Variants in CREB3L2 observed in about 807,000 individuals in gnomAD.
CREB3L2 encodes the protein cyclic AMP-responsive element-binding protein 3-like protein 2.
A neutral mutation model predicts 57.2 loss-of-function variants in CREB3L2; 23 were observed. The observed-to-expected ratio is 0.40, with a 90% CI of 0.29 to 0.57. The LOEUF is 0.57. Among genes scored for constraint, CREB3L2 ranks in the 20% least tolerant of loss-of-function variants. The pLI is 0.42. For missense variants in CREB3L2, 628 were observed against 634.7 expected, an observed-to-expected ratio of 0.99 and a Z score of 0.11; for synonymous variants, 268 against 265.1, an observed-to-expected ratio of 1.01 and a Z score of -0.11.
At chr7:137,991,907 CAAA>C (rs5887864) in intron 1 of CREB3L2, among the ~76,000 whole-genome samples, 6 of 136,630 alleles carry the variant, frequency 4.4e-5, no homozygotes, top group Admixed American at 2.2e-4. Flanking sequence ...GACTCTGCCT[CAAA>C]AAAAAAAAAA....
chr7:137,971,577 G>A (rs1458069182), intron 1 of CREB3L2, among the ~76,000 whole-genome samples: 3 of 151,798 alleles, frequency 2.0e-5, no homozygotes, highest in Admixed American at 6.6e-5. Context: ...ACAAAACACC[G>A]GTCCTTACTC....
At chr7:137,913,142 A>G in intron 3 of CREB3L2, 64 bp from the exon 4 acceptor site, 1 of 1,520,148 alleles carries the variant, frequency 6.6e-7, no homozygotes, top group East Asian at 2.3e-5. Context: ...CACATGCAGG[A>G]GAGCTATTTG....
intron 1 of CREB3L2, among the ~76,000 whole-genome samples, chr7:137,946,747 T>A (rs1417690585): frequency 1.3e-5 from 1 of 79,628 alleles, no homozygotes; most frequent in Non-Finnish European, 2.3e-5. Flanking sequence ...ATATAGTTTT[T>A]TATAGTTATC....
rs186012421 is a variant in CREB3L2 at position 137,875,502 on chromosome 7, C to T, written c.*4974G>A. On this transcript the variant is annotated 3_prime_UTR_variant, in exon 12 of 12. Transcript: ENST00000330387. ...GTTTTCCTTTCCCCAGATGTAAAGC[C>T]TGCTAGCTGGAACTCACAGAAGATT... The T allele has an allele frequency of 3.1e-5, 7 of 223,968 alleles. No individual in the cohort carries two copies. The highest frequency in any genetic ancestry group is 1.6e-4 in the African/African-American group (7 of 44,944). The allele number at this position is 223,968 out of a possible 1,614,324, so 13.9% of individuals were successfully genotyped here. A position where few individuals can be genotyped will look rare whatever the true frequency, so the allele number is the denominator to read the frequency against.
chr7:137,993,956 T>A (rs1455796317), intron 1 of CREB3L2, among the ~76,000 whole-genome samples: 1 of 152,328 alleles, frequency 6.6e-6, no homozygotes, highest in South Asian at 2.1e-4. Flanking sequence ...ACCTATACAA[T>A]TTGATTCAAG....
At chr7:137,911,625 C>T (rs943456300) in intron 4 of CREB3L2, among the ~76,000 whole-genome samples, 4 of 152,144 alleles carry the variant, frequency 2.6e-5, no homozygotes, top group Admixed American at 6.5e-5. Flanking sequence ...ATCACTTGAG[C>T]TCAGGAGTTT....
chr7:137,907,698 T>TTTA (rs1459094133), intron 5 of CREB3L2, among the ~76,000 whole-genome samples: 1 of 152,202 alleles, frequency 6.6e-6, no homozygotes, highest in Non-Finnish European at 1.5e-5. Flanking sequence ...TCTATTCTTC[T>TTTA]TTATTATGGT....
intron 2 of CREB3L2, among the ~76,000 whole-genome samples, chr7:137,916,608 C>T (rs1179542539): frequency 6.6e-6 from 1 of 151,906 alleles, no homozygotes; most frequent in Non-Finnish European, 1.5e-5. Context: ...GTCCCAGCTA[C>T]TTGGGAGGCT....
In CREB3L2 at chr7:137,901,334, C is replaced by T. The variant is rs56200577; in HGVS notation, c.1043+20G>A. 0.022 allele frequency: 31,751 copies of T among 1,469,884 alleles called. 4,589 individuals are homozygous for T. In the African/African-American group the frequency reaches 0.35, roughly 16 times the overall value. 91.1% of individuals were successfully genotyped at this position (1,469,884 alleles called of 1,614,324 possible). On this transcript the variant is annotated intron_variant, in intron 8 of 11. Transcript: ENST00000330387. ...TCTTCCATTGGTAGCGCAATCAGCT[C>T]TCAGTCCAGTGACACTTACCTATTA... is the stretch of plus-strand genomic sequence containing the variant.
At chr7:137,988,089 C>G (rs566826723) in intron 1 of CREB3L2, among the ~76,000 whole-genome samples, 27 of 152,350 alleles carry the variant, frequency 1.8e-4, no homozygotes, top group African/African-American at 6.0e-4. Context: ...CAGAATTCTC[C>G]TTCCTCTGCA....
chr7:137,885,087 C>G lies in CREB3L2; in HGVS notation c.1178G>C (p.Ser393Thr), dbSNP rs1799384132. 6.2e-7 allele frequency: 1 copy of G among 1,614,024 alleles called. No individual in the cohort carries two copies. Among genetic ancestry groups the G allele is most frequent in the African/African-American group, 1.3e-5 (1 of 74,924 alleles). ...ATAGGGCCCGTAGCCTTGAAAGAAG[C>G]TGCCGAATGCAACGGCAAAGCACAG... ...VVLCFAVAFG[S>T]FFQGYGPYPS... Residue 393 changes from serine to threonine, a missense_variant, in exon 10 of 12, where the codon AGC becomes ACC. Physicochemically the swap from Ser to Thr is moderately conservative, Grantham distance 58. Around this residue, in one of 3 missense-constraint regions of CREB3L2, gnomAD observed 272 missense variants for 242.7 expected, o/e 1.12. Transcript: ENST00000330387.
At chr7:137,985,493 T>C (rs1022952599) in intron 1 of CREB3L2, among the ~76,000 whole-genome samples, 5 of 152,196 alleles carry the variant, frequency 3.3e-5, no homozygotes, top group African/African-American at 1.2e-4. Context: ...CTGCAGGCAG[T>C]AGCCCTACCA....
At chr7:137,979,874 C>T (rs1455241900) in intron 1 of CREB3L2, among the ~76,000 whole-genome samples, 2 of 152,204 alleles carry the variant, frequency 1.3e-5, no homozygotes, top group East Asian at 3.9e-4. Context: ...GGGAGCCTGA[C>T]TCAGATGTAG....
In CREB3L2 at chr7:138,001,823, T is replaced by G. The variant is rs917716982; in HGVS notation, c.-118A>C. On this transcript the variant is annotated 5_prime_UTR_variant, in exon 1 of 12. Coordinates refer to ENST00000330387, the MANE Select transcript of CREB3L2 (RefSeq NM_194071.4). The surrounding 1 kb of genome is among the most constrained non-coding windows in gnomAD (Gnocchi z 4.2). ...GTGCTTGCGTGTGTGCGCGCGCGTG[T>G]CTGTAGTTTTGCACTTGGAAAGCAA... The G allele has an allele frequency of 1.0e-5, 7 of 673,810 alleles. No homozygotes were observed. Among genetic ancestry groups the G allele is most frequent in the African/African-American group, 3.7e-5 (2 of 53,758 alleles). The allele number at this position is 673,810 out of a possible 1,614,324, so 41.7% of individuals were successfully genotyped here. A position where few individuals can be genotyped will look rare whatever the true frequency, so the allele number is the denominator to read the frequency against.
At chr7:137,927,373 A>C (rs1247471945) in intron 2 of CREB3L2, among the ~76,000 whole-genome samples, 2 of 141,680 alleles carry the variant, frequency 1.4e-5, no homozygotes, top group Non-Finnish European at 3.1e-5. Flanking sequence ...AAGAAAGAAA[A>C]GAGAGAAGGA....
chr7:137,987,787 G>A (rs562471767), intron 1 of CREB3L2, among the ~76,000 whole-genome samples: 13 of 152,302 alleles, frequency 8.5e-5, no homozygotes, highest in South Asian at 2.1e-4. Context: ...GGGCTCAGGC[G>A]ATCCTCCCAC....
At position 137,877,694 on chromosome 7, in the gene CREB3L2, C is replaced by G. The variant is rs938397576; in HGVS notation, c.*2782G>C. 4.4e-6 allele frequency: 1 copy of G among 226,742 alleles called. No individual in the cohort carries two copies. The highest frequency in any genetic ancestry group is 6.4e-5 in the East Asian group (1 of 15,680). 14.0% of individuals were successfully genotyped at this position (226,742 alleles called of 1,614,324 possible). A position where few individuals can be genotyped will look rare whatever the true frequency, so the allele number is the denominator to read the frequency against. ...TGGCTTATGGCCGCTCTGACAGACT[C>G]GTATTTCTCAAAACTTACATTCAGA... On this transcript the variant is annotated 3_prime_UTR_variant, in exon 12 of 12. Transcript: ENST00000330387.
At chr7:137,981,015 T>A (rs1465010053) in intron 1 of CREB3L2, among the ~76,000 whole-genome samples, 1 of 152,122 alleles carries the variant, frequency 6.6e-6, no homozygotes, top group African/African-American at 2.4e-5. Flanking sequence ...AATGCCAAGA[T>A]CTGCTGAGGA....
chr7:137,951,157 A>C (rs1184956935), intron 1 of CREB3L2, among the ~76,000 whole-genome samples: 2 of 152,136 alleles, frequency 1.3e-5, no homozygotes, highest in African/African-American at 2.4e-5. Flanking sequence ...ATTTAGTGCC[A>C]TGTTTTTCAT....
Sources: allele counts gnomAD v4.1 joint callset (sites outside exome capture counted in the v4.1 genomes callset), GRCh38; gene constraint gnomAD v4.1.1; regional missense constraint gnomAD v4.1.1; non-coding constraint Gnocchi (gnomAD v3.1); transcripts MANE v1.5; gene names NCBI Gene and HGNC (gene_info 2026-07-23, HGNC 2026-07-21).